FARP2: variants seen among roughly 807,000 people sequenced by gnomAD.
FARP2 encodes FERM, ARH/RhoGEF and pleckstrin domain protein 2.
Under a neutral mutation model 130.5 loss-of-function variants are expected in FARP2, and 111 were observed. The ratio of observed to expected loss-of-function variants is 0.85; its 90% CI spans 0.73 to 1.00. The LOEUF (loss-of-function observed/expected upper bound fraction) is 1.00, where lower values mean the gene tolerates loss of function less well. Ranked by LOEUF, FARP2 falls within the 50% of genes least tolerant of loss-of-function variation. FARP2 has a pLI of 0.00. For missense variants in FARP2, 1,385 were observed against 1,346.3 expected, an observed-to-expected ratio of 1.03 and a Z score of -0.45; for synonymous variants, 504 against 516.9, an observed-to-expected ratio of 0.98 and a Z score of 0.34.
intron 24 of FARP2, among the ~76,000 whole-genome samples, chr2:241,492,247 C>G (rs1177682984): frequency 5.9e-5 from 9 of 152,204 alleles, no homozygotes; most frequent in Admixed American, 5.9e-4. Flanking sequence ...CAGGAGCTAC[C>G]CCAGCACCCC....
chr2:241,485,961 C>T (rs537741470), intron 21 of FARP2, among the ~76,000 whole-genome samples: 34 of 152,344 alleles, frequency 2.2e-4, no homozygotes, highest in South Asian at 1.4e-3. Flanking sequence ...CTCCTCCTGA[C>T]AATGAGCGCC....
At chr2:241,413,160 A>G (rs2062567707) in intron 6 of FARP2, 147 bp from the exon 7 acceptor site, 1 of 566,308 alleles carries the variant, frequency 1.8e-6, no homozygotes, top group Admixed American at 3.0e-5. Flanking sequence ...ATTTGGAAAA[A>G]TTAAATAAAA....
chr2:241,491,379 C>T, intron 23 of FARP2, 137 bp from the exon 24 acceptor site: 1 of 1,000,474 alleles, frequency 1.0e-6, no homozygotes, highest in South Asian at 1.5e-5. Flanking sequence ...TGTAGTTTTG[C>T]TCTCAGCCAG....
rs997932488 is a variant in FARP2, at chr2:241,484,338, G to A, written c.2421+7G>A. On this transcript the variant is annotated splice_region_variant and intron_variant, in intron 21 of 26. Transcript: ENST00000264042. ...TCCCCTCCAAGGCATGCTGGTGAGT[G>A]GTCTTGCACCCTGCCTGGGATTTCC... is the stretch of plus-strand genomic sequence containing the variant. The A allele has an allele frequency of 1.1e-5, 18 of 1,612,618 alleles. No individual in the cohort carries two copies. Among genetic ancestry groups the A allele is most frequent in the Non-Finnish European group, 1.5e-5 (18 of 1,178,740 alleles).
At chr2:241,471,651 G>C (rs1332939202) in intron 18 of FARP2, among the ~76,000 whole-genome samples, 1 of 151,596 alleles carries the variant, frequency 6.6e-6, no homozygotes, top group Non-Finnish European at 1.5e-5. Flanking sequence ...CCGACACCAC[G>C]CCTGTCTAAT....
In FARP2 at chr2:241,433,535, G is replaced by T. The variant is rs531741137; in HGVS notation, c.868-623G>T. 5.9e-5 allele frequency among the ~76,000 whole-genome samples: 9 copies of T among 152,286 alleles called. No individual in the cohort carries two copies. The South Asian group carries it at 1.7e-3, about 28-fold the overall frequency. The stretch of plus-strand genomic sequence containing the variant: ...TGTAGAAACAATTCAGTAATAACAT[G>T]TAAATATGTCAGTTGGCATGAAAAA... On this transcript the variant is annotated intron_variant, in intron 9 of 26. Coordinates refer to ENST00000264042, the MANE Select transcript of FARP2 (RefSeq NM_014808.4).
chr2:241,470,921 AG>A (rs2124829025), intron 18 of FARP2, among the ~76,000 whole-genome samples: 1 of 150,044 alleles, frequency 6.7e-6, no homozygotes, highest in Non-Finnish European at 1.5e-5. Context: ...CCCTATTCAG[AG>A]GGGGACCCTG....
At chr2:241,395,301 G>A (rs2062003871) in intron 2 of FARP2, 2 of 152,078 alleles carry the variant, frequency 1.3e-5, no homozygotes, top group African/African-American at 4.8e-5. Flanking sequence ...TTTTAGAGAT[G>A]ATTATACAAT....
intron 20 of FARP2, 57 bp downstream of exon 20, chr2:241,483,590 C>G: frequency 6.5e-7 from 1 of 1,539,680 alleles, no homozygotes; most frequent in Non-Finnish European, 9.0e-7. Context: ...GGCAGCAGTT[C>G]TGTTAGGGAC....
chr2:241,447,499 G>A (rs751004538), intron 13 of FARP2, among the ~76,000 whole-genome samples: 2 of 152,132 alleles, frequency 1.3e-5, no homozygotes, highest in African/African-American at 2.4e-5. Flanking sequence ...CCCACGGGGC[G>A]GGCCTTGTGT....
chr2:241,431,434 C>T (rs1294535211), intron 8 of FARP2, among the ~76,000 whole-genome samples: 1 of 151,736 alleles, frequency 6.6e-6, no homozygotes, highest in Non-Finnish European at 1.5e-5. Flanking sequence ...GAGATTGGTA[C>T]CACTGCACTC....
At chr2:241,383,135 G>T (rs2061701246) in intron 2 of FARP2, among the ~76,000 whole-genome samples, 1 of 152,234 alleles carries the variant, frequency 6.6e-6, no homozygotes, top group Admixed American at 6.5e-5. Context: ...TGTTTGGCAG[G>T]TATTTGCTGA....
At chr2:241,414,948 C>T (rs2062625836) in intron 7 of FARP2, among the ~76,000 whole-genome samples, 1 of 152,148 alleles carries the variant, frequency 6.6e-6, no homozygotes, top group Admixed American at 6.5e-5. Context: ...GGTTCAAGGG[C>T]TGGAGGTAGA....
intron 13 of FARP2, chr2:241,441,764 C>T (rs188477152): frequency 1.4e-6 from 1 of 699,920 alleles, no homozygotes; most frequent in African/African-American, 1.8e-5. Flanking sequence ...GGGGGGGCCC[C>T]TGCTTTCACA....
At chr2:241,415,989 C>CTGTGTGTGTGTGTG (rs57774022) in intron 7 of FARP2, among the ~76,000 whole-genome samples, 50 of 141,792 alleles carry the variant, frequency 3.5e-4, no homozygotes, top group African/African-American at 5.4e-4. Flanking sequence ...CAGGGTAGTT[C>CTGTGTGTGTGTGTG]TGTGTGTGTG....
rs1337289790 is a variant in FARP2, at chr2:241,485,369, C to G, written c.2421+1038C>G. Among the ~76,000 whole-genome samples, 6 of 150,510 alleles carry G rather than the reference C, an allele frequency of 4.0e-5. No individual in the cohort carries two copies. The South Asian group carries it at 8.4e-4, about 21-fold the overall frequency. ...ATCTTCCCTTCCTAGGATCTTCCCT[C>G]CCTCTCTGGCATCTTCCCTCCCTGT... On this transcript the variant is annotated intron_variant, in intron 21 of 26. Coordinates refer to ENST00000264042, the MANE Select transcript of FARP2 (RefSeq NM_014808.4).
rs1254955490 is a variant in FARP2, at chr2:241,402,872, A to G, written c.184-956A>G. On this transcript the variant is annotated intron_variant, in intron 2 of 26. Transcript: ENST00000264042. The stretch of plus-strand genomic sequence containing the variant: ...TATATATATATATATATATATATAT[A>G]TATATATATTTTTTTTTTTTTTTTT... Among the ~76,000 whole-genome samples the G allele has an allele frequency of 3.4e-4, 4 of 11,932 alleles. No homozygotes were observed. The East Asian group carries it at 5.8e-3, about 17-fold the overall frequency. The allele number at this position is 11,932 out of a possible 152,430, so 7.8% of individuals were successfully genotyped here.
chr2:241,453,064 T>C (rs2063709051), intron 13 of FARP2, among the ~76,000 whole-genome samples: 1 of 152,116 alleles, frequency 6.6e-6, no homozygotes, highest in Admixed American at 6.6e-5. Context: ...GAGCGGTGGC[T>C]CACACCTGTA....
Position 241,386,432 on chromosome 2 carries a change from T to C in FARP2, c.183+13142T>C, listed in dbSNP as rs146219275. On this transcript the variant is annotated intron_variant, in intron 2 of 26. Coordinates refer to ENST00000264042, the MANE Select transcript of FARP2 (RefSeq NM_014808.4). ...GATTTTGAGAAAAGAAAAGCTTTAT[T>C]GCCAGTCAACCAACAAGGAGACAGG... Among the ~76,000 whole-genome samples the C allele has an allele frequency of 1.1e-3, 167 of 152,208 alleles. No individual in the cohort carries two copies. The East Asian group carries it at 0.014, about 13-fold the overall frequency.
Sources: allele counts gnomAD v4.1 joint callset (sites outside exome capture counted in the v4.1 genomes callset), GRCh38; gene constraint gnomAD v4.1.1; transcripts MANE v1.5; gene names NCBI Gene and HGNC (gene_info 2026-07-23, HGNC 2026-07-21).